The following ENPP6 variants were observed in gnomAD, a reference collection of about 807,000 sequenced individuals.
ENPP6 encodes ectonucleotide pyrophosphatase/phosphodiesterase 6.
ENPP6 carries 32 observed loss-of-function variants against 42.0 expected under a neutral mutation model. The observed-to-expected ratio is 0.76, with a 90% CI of 0.58 to 1.02. The LOEUF (loss-of-function observed/expected upper bound fraction) is 1.02, where lower values mean the gene tolerates loss of function less well. ENPP6 is among the 50% of genes least tolerant of loss of function. The probability of loss-of-function intolerance (pLI) is 0.00; values close to 1 mark genes in which losing one functional copy is unlikely to be tolerated. For missense variants in ENPP6, 552 were observed against 566.8 expected (o/e 0.97, Z 0.27); for synonymous variants, 213 against 216.0 (o/e 0.99, Z 0.12).
chr4:184,120,196 C>T (rs905695870), intron 3 of ENPP6, among the ~76,000 whole-genome samples: 1 of 152,156 alleles, frequency 6.6e-6, no homozygotes, highest in African/African-American at 2.4e-5. Context: ...AGCCTGATTC[C>T]TGCTCCTTCT....
At chr4:184,177,052 C>A (rs1205111564) in intron 1 of ENPP6, among the ~76,000 whole-genome samples, 1 of 152,196 alleles carries the variant, frequency 6.6e-6, no homozygotes, top group Non-Finnish European at 1.5e-5. Context: ...GCCTTGGGTC[C>A]CAAGCACAGA....
At chr4:184,101,481 G>C (rs967607409) in intron 6 of ENPP6, among the ~76,000 whole-genome samples, 1 of 152,060 alleles carries the variant, frequency 6.6e-6, no homozygotes. Context: ...GAGCGGAGGA[G>C]CCCTTGAATG....
chr4:184,116,769 CA>C, intron 5 of ENPP6, 86 bp downstream of exon 5: 1 of 1,524,542 alleles, frequency 6.6e-7, no homozygotes, highest in African/African-American at 1.4e-5. Flanking sequence ...CAAAACAAAA[CA>C]AAAAAACTAC....
intron 1 of ENPP6, among the ~76,000 whole-genome samples, chr4:184,172,290 G>C (rs893536584): frequency 1.3e-5 from 2 of 152,122 alleles, no homozygotes; most frequent in African/African-American, 4.8e-5. Context: ...TCTCAGGATG[G>C]GAGGTGTTTG....
At chr4:184,104,667 C>G (rs992438129) in intron 6 of ENPP6, among the ~76,000 whole-genome samples, 4 of 152,206 alleles carry the variant, frequency 2.6e-5, no homozygotes, top group Non-Finnish European at 5.9e-5. Context: ...AGCTTGAAAG[C>G]CTGACTTCGC....
intron 6 of ENPP6, among the ~76,000 whole-genome samples, chr4:184,102,610 C>T (rs766265306): frequency 1.3e-5 from 2 of 152,216 alleles, no homozygotes; most frequent in African/African-American, 2.4e-5. Context: ...TGTCTCCTCC[C>T]GAGGTGGCTG....
chr4:184,159,537 T>C (rs1188174628), intron 1 of ENPP6, among the ~76,000 whole-genome samples: 1 of 152,266 alleles, frequency 6.6e-6, no homozygotes, highest in Non-Finnish European at 1.5e-5. Flanking sequence ...AGGAAGTTTA[T>C]AGTTTATGCT....
In ENPP6 at chr4:184,178,966, ACAAGTCTGCAAAATAAC is replaced by A. The variant is rs1732495824; in HGVS notation, c.242-25250_242-25234del. ...ATGACACTATGAAGCAACTACATCA[ACAAGTCTGCAAAATAAC>A]CAGCTAGCATCATGATAACAGGATC... is the stretch of plus-strand genomic sequence containing the variant. On this transcript the variant is annotated intron_variant, in intron 1 of 7. Transcript: ENST00000296741. Among the ~76,000 whole-genome samples, 5 of 152,364 alleles carry A rather than the reference ACAAGTCTGCAAAATAAC, an allele frequency of 3.3e-5. No individual in the cohort carries two copies. The South Asian group carries it at 1.0e-3, about 32-fold the overall frequency.
At chr4:184,166,575 T>C (rs1314661352) in intron 1 of ENPP6, among the ~76,000 whole-genome samples, 1 of 152,248 alleles carries the variant, frequency 6.6e-6, no homozygotes, top group Non-Finnish European at 1.5e-5. Flanking sequence ...CTCAAAGAAA[T>C]TTCCTGACAA....
At position 184,195,395 on chromosome 4, in the gene ENPP6, C is replaced by A. The variant is rs781736657; in HGVS notation, c.241+22184G>T. ...AACATGTGGTATTTGGTGTTCTGTTCTTGCATTAGTTTGCTAAGAATAATG... is the reference window on the plus strand; with the variant it reads ...AACATGTGGTATTTGGTGTTCTGTTATTGCATTAGTTTGCTAAGAATAATG... On this transcript the variant is annotated intron_variant, in intron 1 of 7. Transcript: ENST00000296741. Among the ~76,000 whole-genome samples, 130 of 152,294 alleles carry A rather than the reference C, an allele frequency of 8.5e-4. 1 individual carries two copies. The highest frequency in any genetic ancestry group is 2.6e-3 in the African/African-American group (107 of 41,572).
chr4:184,121,126 T>A (rs4861600), intron 3 of ENPP6, among the ~76,000 whole-genome samples: 107,073 of 152,144 alleles, frequency 0.7, 38,228 homozygotes, highest in African/African-American at 0.81. Context: ...GGTTACTGGA[T>A]ATCAAGCCCA....
intron 1 of ENPP6, among the ~76,000 whole-genome samples, chr4:184,207,313 A>G (rs891622263): frequency 1.3e-5 from 2 of 152,346 alleles, no homozygotes; most frequent in South Asian, 2.1e-4. Flanking sequence ...TTGCAAACAA[A>G]TGTTACCATT....
intron 1 of ENPP6, among the ~76,000 whole-genome samples, chr4:184,192,293 A>T (rs1447288162): frequency 2.0e-5 from 3 of 152,272 alleles, no homozygotes; most frequent in Non-Finnish European, 4.4e-5. Context: ...TCAAGAGATT[A>T]TTGGAATAAA....
intron 2 of ENPP6, among the ~76,000 whole-genome samples, chr4:184,129,668 T>C (rs1736563233): frequency 6.6e-6 from 1 of 152,174 alleles, no homozygotes; most frequent in Non-Finnish European, 1.5e-5. Flanking sequence ...TTTATAAAAC[T>C]GAGAAGCAAT....
chr4:184,184,699 G>A lies in ENPP6; in HGVS notation c.242-30966C>T, dbSNP rs1732603200. Among the ~76,000 whole-genome samples, 1 of 152,176 alleles carries A rather than the reference G, an allele frequency of 6.6e-6. No homozygotes were observed. ...TTATAAGGAAGGGAGACAGTCACATGTCAATAGAGGCAGAGGTGGAAGTGA... is the reference window on the plus strand; with the variant it reads ...TTATAAGGAAGGGAGACAGTCACATATCAATAGAGGCAGAGGTGGAAGTGA... On this transcript the variant is annotated intron_variant, in intron 1 of 7. Transcript: ENST00000296741. This position sits in a 1 kb window ranked among gnomAD's most constrained non-coding sequence, Gnocchi z 4.7.
chr4:184,185,708 T>G lies in ENPP6; in HGVS notation c.241+31871A>C, dbSNP rs762537614. On this transcript the variant is annotated intron_variant, in intron 1 of 7. Coordinates refer to ENST00000296741, the MANE Select transcript of ENPP6 (RefSeq NM_153343.4). ...TATTGTACAAGACAACTGGCTGGGATTTTTAGGATTGCCAACATCATGAAG... is the reference window on the plus strand; with the variant it reads ...TATTGTACAAGACAACTGGCTGGGAGTTTTAGGATTGCCAACATCATGAAG... Among the ~76,000 whole-genome samples, 23 of 152,184 alleles carry G rather than the reference T, an allele frequency of 1.5e-4. 1 individual carries two copies. Among genetic ancestry groups the G allele is most frequent in the Non-Finnish European group, 2.6e-4 (18 of 68,018 alleles).
intron 2 of ENPP6, among the ~76,000 whole-genome samples, chr4:184,148,507 G>A (rs968905551): frequency 6.6e-6 from 1 of 152,216 alleles, no homozygotes; most frequent in African/African-American, 2.4e-5. Flanking sequence ...TTTCTCTGCA[G>A]CAGAAATGGT....
chr4:184,136,645 T>C (rs1329897949), intron 2 of ENPP6, among the ~76,000 whole-genome samples: 2 of 152,244 alleles, frequency 1.3e-5, no homozygotes, highest in Non-Finnish European at 2.9e-5. Context: ...TGTTTTCTCA[T>C]ATCATTTTGA....
At chr4:184,114,757 A>T (rs1736285635) in intron 5 of ENPP6, among the ~76,000 whole-genome samples, 1 of 126,276 alleles carries the variant, frequency 7.9e-6, no homozygotes, top group Admixed American at 9.2e-5. Context: ...CACAAGGATG[A>T]TCTTTCTTGC....
Sources: allele counts gnomAD v4.1 joint callset (sites outside exome capture counted in the v4.1 genomes callset), GRCh38; gene constraint gnomAD v4.1.1; non-coding constraint Gnocchi (gnomAD v3.1); transcripts MANE v1.5; gene names NCBI Gene and HGNC (gene_info 2026-07-23, HGNC 2026-07-21).